The following CDH13 variants were observed in gnomAD, a reference collection of about 807,000 sequenced individuals.
CDH13 encodes the protein cadherin 13.
A neutral mutation model predicts 63.8 loss-of-function variants in CDH13; 24 were observed. The observed-to-expected ratio is 0.38, with a 90% CI of 0.27 to 0.53. The LOEUF is 0.53. CDH13 is among the 20% of genes least tolerant of loss of function. The pLI is 0.85. For missense variants in CDH13, 1,049 were observed against 903.1 expected (o/e 1.16, Z -2.07); for synonymous variants, 503 against 355.3 (o/e 1.42, Z -4.67).
At chr16:82,971,480 G>A (rs1908735664) in intron 2 of CDH13, among the ~76,000 whole-genome samples, 1 of 152,188 alleles carries the variant, frequency 6.6e-6, no homozygotes, top group African/African-American at 2.4e-5. Context: ...AAAGTAAGAA[G>A]TGCAGGGCAG....
intron 3 of CDH13, among the ~76,000 whole-genome samples, chr16:83,071,784 A>G (rs2032456610): frequency 1.3e-5 from 2 of 152,222 alleles, no homozygotes; most frequent in Non-Finnish European, 2.9e-5. Flanking sequence ...AGGTGCATAT[A>G]TAATAAATTT....
intron 5 of CDH13, among the ~76,000 whole-genome samples, chr16:83,242,724 T>A (rs1904588870): frequency 6.6e-6 from 1 of 152,212 alleles, no homozygotes; most frequent in Non-Finnish European, 1.5e-5. Flanking sequence ...TTTAGATGAT[T>A]GTCTTCTTGG....
chr16:82,733,278 A>T lies in CDH13; in HGVS notation c.45+106141A>T, dbSNP rs1480988149. On this transcript the variant is annotated intron_variant, in intron 1 of 13. Transcript: ENST00000567109. ...TCGATTGTGTGGAGGCTAACATGTA[A>T]AGTTATCAGCCCAGCAGCAGACACG... Among the ~76,000 whole-genome samples, 2 of 152,218 alleles carry T rather than the reference A, an allele frequency of 1.3e-5. 1 individual carries two copies. The highest frequency in any genetic ancestry group is 4.8e-5 in the African/African-American group (2 of 41,460).
At chr16:82,716,345 CAGAG>C (rs963831200) in intron 1 of CDH13, among the ~76,000 whole-genome samples, 2 of 151,666 alleles carry the variant, frequency 1.3e-5, no homozygotes, top group East Asian at 1.9e-4. Flanking sequence ...GTCACCTTTG[CAGAG>C]AGAGAGAGAC....
At chr16:82,864,034 T>C (rs1382343779) in intron 2 of CDH13, among the ~76,000 whole-genome samples, 1 of 152,212 alleles carries the variant, frequency 6.6e-6, no homozygotes, top group Non-Finnish European at 1.5e-5. Flanking sequence ...AAGTAAAGAC[T>C]AGTTACAGAA....
chr16:82,871,052 C>A lies in CDH13; in HGVS notation c.157+12579C>A, dbSNP rs576716555. 3.3e-5 allele frequency among the ~76,000 whole-genome samples: 5 copies of A among 152,312 alleles called. No homozygotes were observed. The South Asian group carries it at 1.0e-3, about 32-fold the overall frequency. ...GAGTCAAATGATGTTCCATAGAAGA[C>A]AAAACCATCTTGAAGTTTTTGATGC... On this transcript the variant is annotated intron_variant, in intron 2 of 13. Coordinates refer to ENST00000567109, the MANE Select transcript of CDH13 (RefSeq NM_001257.5).
Position 83,244,724 on chromosome 16 carries a change from C to G in CDH13, c.636+27227C>G, listed in dbSNP as rs1904812048. ...AGCATTAAAGGCACATAGGCAATGA[C>G]CAACAGAAACCAGGCAACAGCTTTC... On this transcript the variant is annotated intron_variant, in intron 5 of 13. Transcript: ENST00000567109. Among the ~76,000 whole-genome samples the G allele has an allele frequency of 1.3e-5, 2 of 152,118 alleles. 1 individual carries two copies. Among genetic ancestry groups the G allele is most frequent in the South Asian group, 4.1e-4 (2 of 4,826 alleles).
intron 4 of CDH13, among the ~76,000 whole-genome samples, chr16:83,133,557 G>C (rs902947765): frequency 1.3e-5 from 2 of 152,104 alleles, no homozygotes; most frequent in African/African-American, 4.8e-5. Flanking sequence ...GGAATGCAGT[G>C]GCGTGATCTG....
At chr16:82,673,959 A>G (rs1373069963) in intron 1 of CDH13, among the ~76,000 whole-genome samples, 1 of 152,252 alleles carries the variant, frequency 6.6e-6, no homozygotes, top group Non-Finnish European at 1.5e-5. Context: ...TTTGTTAATT[A>G]AGCCTATGGA....
rs189388742 is a variant in CDH13 at position 83,581,332 on chromosome 16, C to G, written c.961-21122C>G. Among the ~76,000 whole-genome samples, 36 of 152,298 alleles carry G rather than the reference C, an allele frequency of 2.4e-4. 1 individual carries two copies. The highest frequency in any genetic ancestry group is 7.0e-4 in the African/African-American group (29 of 41,576). On this transcript the variant is annotated intron_variant, in intron 7 of 13. Coordinates refer to ENST00000567109, the MANE Select transcript of CDH13 (RefSeq NM_001257.5). ...TGATAGAATGTCAGAAATTAGTCAT[C>G]AAGAACCAAGGGTGACTTTCAGTGG...
chr16:82,960,684 C>T (rs1330565298), intron 2 of CDH13, among the ~76,000 whole-genome samples: 1 of 152,076 alleles, frequency 6.6e-6, no homozygotes, highest in Non-Finnish European at 1.5e-5. Context: ...AAAGCAGAAA[C>T]AAAGAGCACT....
chr16:83,571,700 C>G (rs564140568), intron 7 of CDH13, among the ~76,000 whole-genome samples: 3 of 152,280 alleles, frequency 2.0e-5, no homozygotes, highest in East Asian at 1.9e-4. Flanking sequence ...TTTATTCTCC[C>G]TTTTTCCTTC....
At chr16:83,662,224 G>A (rs1214169669) in intron 8 of CDH13, among the ~76,000 whole-genome samples, 1 of 152,180 alleles carries the variant, frequency 6.6e-6, no homozygotes. Flanking sequence ...TTTCTCACCT[G>A]TTTAGTAATG....
chr16:83,174,309 A>G (rs927135279), intron 4 of CDH13, among the ~76,000 whole-genome samples: 5 of 152,126 alleles, frequency 3.3e-5, no homozygotes, highest in African/African-American at 4.8e-5. Context: ...ACACCACTCA[A>G]TGATGTTCAT....
At position 83,149,374 on chromosome 16, in the gene CDH13, T is replaced by C. The variant is rs373204145; in HGVS notation, c.483+23873T>C. On this transcript the variant is annotated intron_variant, in intron 4 of 13. Coordinates refer to ENST00000567109, the MANE Select transcript of CDH13 (RefSeq NM_001257.5). ...ATGGCAATGACATCTCATGAGGCGA[T>C]GTTAACTTTAAACTCAAGTATTTAA... Among the ~76,000 whole-genome samples, 9 of 152,348 alleles carry C rather than the reference T, an allele frequency of 5.9e-5. No individual in the cohort carries two copies. The East Asian group carries it at 9.6e-4, about 16-fold the overall frequency.
chr16:83,286,767 A>ATGT (rs1432778863), intron 5 of CDH13, among the ~76,000 whole-genome samples: 3 of 113,910 alleles, frequency 2.6e-5, no homozygotes, highest in African/African-American at 8.5e-5. Flanking sequence ...AAAAAAAAAA[A>ATGT]ATGTATATAT....
chr16:83,644,240 C>T (rs957781195), intron 8 of CDH13, among the ~76,000 whole-genome samples: 3 of 152,194 alleles, frequency 2.0e-5, no homozygotes, highest in South Asian at 2.1e-4. Context: ...CAAGGTGCTT[C>T]CATGGTCCAA....
chr16:83,107,209 G>C (rs2034811884), intron 3 of CDH13, among the ~76,000 whole-genome samples: 1 of 152,164 alleles, frequency 6.6e-6, no homozygotes, highest in Non-Finnish European at 1.5e-5. Context: ...GCAGGGGGTT[G>C]GCCAGGCAGG....
At position 82,766,403 on chromosome 16, in the gene CDH13, A is replaced by G. The variant is rs574901541; in HGVS notation, c.46-91959A>G. Among the ~76,000 whole-genome samples the G allele has an allele frequency of 9.8e-5, 15 of 152,340 alleles. No homozygotes were observed. In the East Asian group the frequency reaches 2.1e-3, roughly 22 times the overall value. ...ATGATCTGAGGTTGGGGAATATTCTACCTTGCCAAGGATAACTGTAGAGTA... is the reference window on the plus strand; with the variant it reads ...ATGATCTGAGGTTGGGGAATATTCTGCCTTGCCAAGGATAACTGTAGAGTA... On this transcript the variant is annotated intron_variant, in intron 1 of 13. Transcript: ENST00000567109.
Sources: gnomAD v4.1 joint callset for allele counts (sites outside exome capture counted in the v4.1 genomes callset) on GRCh38, gnomAD v4.1.1 for gene constraint, MANE v1.5 for transcripts, NCBI Gene and HGNC (gene_info 2026-07-23, HGNC 2026-07-21) for gene names.